The following RANBP2 variants were observed in gnomAD, a reference collection of about 807,000 sequenced individuals.
The protein encoded by RANBP2 is E3 SUMO-protein ligase RanBP2.
In RANBP2, 57 loss-of-function variants were observed where a neutral mutation model predicts 303.6. That is an observed-to-expected ratio of 0.19 (90% confidence interval 0.15 to 0.23). The LOEUF (loss-of-function observed/expected upper bound fraction) is 0.23, where lower values mean the gene tolerates loss of function less well. Ranked by LOEUF, RANBP2 falls within the 10% of genes least tolerant of loss-of-function variation. The pLI is 1.00. For synonymous variants in RANBP2, 1,167 were observed against 1,301.5 expected, an observed-to-expected ratio of 0.90 and a Z score of 2.23; for missense variants, 3,138 against 3,780.8, an observed-to-expected ratio of 0.83 and a Z score of 4.46.
Position 108,782,654 on chromosome 2 carries a change from T to C in RANBP2, c.9161T>C (p.Leu3054Pro). ...AAACTCCAGAAAGGACATGTATCAC[T>C]GGCAGCAGAATTATCAAAGGAGACC... ...LMKLQKGHVS[L>P]AAELSKETNP... The change falls in exon 28 of 29, where the codon CTG becomes CCG. Residue 3054 changes from leucine (L) to proline (P), a missense_variant. Coordinates refer to ENST00000283195, the MANE Select transcript of RANBP2 (RefSeq NM_006267.5). 2 of 1,614,228 alleles carry C rather than the reference T, an allele frequency of 1.2e-6. No homozygotes were observed. Among genetic ancestry groups the C allele is most frequent in the Non-Finnish European group, 1.7e-6 (2 of 1,180,038 alleles).
At chr2:108,968,238 G>T in the RANBP2 span, among the ~76,000 whole-genome samples, 7 of 152,166 alleles carry the variant, frequency 4.6e-5, no homozygotes, top group African/African-American at 1.4e-4. Flanking sequence ...TGTTGGAAAT[G>T]AAGAACCTGG....
At chr2:109,591,441 T>C in the RANBP2 span, among the ~76,000 whole-genome samples, 1 of 152,104 alleles carries the variant, frequency 6.6e-6, no homozygotes, top group Non-Finnish European at 1.5e-5. Context: ...TCACTAAAGA[T>C]TACTAGTGAC....
At chr2:109,691,313 G>C in the RANBP2 span, among the ~76,000 whole-genome samples, 104 of 152,268 alleles carry the variant, frequency 6.8e-4, no homozygotes, top group African/African-American at 2.5e-3. Context: ...TAGTGGTCTC[G>C]GTCTAAACGT....
the RANBP2 span, chr2:109,565,860 C>T: frequency 6.2e-7 from 1 of 1,613,590 alleles, no homozygotes; most frequent in Non-Finnish European, 8.5e-7. Context: ...GCAACTGTCC[C>T]TGAAAAAGAA....
chr2:108,860,799 G>GT, the RANBP2 span, among the ~76,000 whole-genome samples: 2 of 151,914 alleles, frequency 1.3e-5, no homozygotes, highest in Non-Finnish European at 2.9e-5. Context: ...TTTGGCATCA[G>GT]TATGATACTG....
chr2:109,651,616 AG>A, the RANBP2 span, among the ~76,000 whole-genome samples: 1 of 152,222 alleles, frequency 6.6e-6, no homozygotes, highest in African/African-American at 2.4e-5. Context: ...TTTCCCTAAA[AG>A]GAGCAGTCAC....
intron 17 of RANBP2, 68 bp downstream of exon 17, chr2:108,755,327 T>C (rs1299187161): frequency 6.2e-7 from 1 of 1,608,364 alleles, no homozygotes; most frequent in Non-Finnish European, 8.5e-7. Flanking sequence ...CTCTCTCACT[T>C]TTTTTCTGAA....
chr2:109,033,117 C>G, the RANBP2 span, among the ~76,000 whole-genome samples: 54 of 152,344 alleles, frequency 3.5e-4, no homozygotes, highest in African/African-American at 1.3e-3. Context: ...CATGTTTGGT[C>G]ATTACTCAGC....
At chr2:109,671,180 G>T in the RANBP2 span, among the ~76,000 whole-genome samples, 1 of 152,000 alleles carries the variant, frequency 6.6e-6, no homozygotes, top group Non-Finnish European at 1.5e-5. Context: ...CCACCTGCTG[G>T]ATATTGGAGG....
the RANBP2 span, among the ~76,000 whole-genome samples, chr2:109,262,188 TA>T: frequency 2.0e-5 from 3 of 152,162 alleles, no homozygotes; most frequent in Non-Finnish European, 4.4e-5. Flanking sequence ...TGTATTTGTC[TA>T]ACAGTCTTAT....
At chr2:108,890,852 T>C in the RANBP2 span, among the ~76,000 whole-genome samples, 1 of 152,168 alleles carries the variant, frequency 6.6e-6, no homozygotes, top group Admixed American at 6.5e-5. Context: ...GCTTTACTCA[T>C]TCTGTTTTAT....
At chr2:108,822,118 A>AC in the RANBP2 span, among the ~76,000 whole-genome samples, 1 of 152,250 alleles carries the variant, frequency 6.6e-6, no homozygotes, top group South Asian at 2.1e-4. Flanking sequence ...ATGGAAAAAG[A>AC]CAATCCTTGT....
chr2:108,937,126 G>C, the RANBP2 span, among the ~76,000 whole-genome samples: 1 of 152,248 alleles, frequency 6.6e-6, no homozygotes, highest in Non-Finnish European at 1.5e-5. Flanking sequence ...AAACAGAAGT[G>C]ACTGGCAACA....
the RANBP2 span, among the ~76,000 whole-genome samples, chr2:109,403,229 C>T: frequency 1.3e-5 from 2 of 152,222 alleles, no homozygotes; most frequent in Non-Finnish European, 1.5e-5. Flanking sequence ...GCGCACTGTC[C>T]GAGGCTGGCC....
the RANBP2 span, among the ~76,000 whole-genome samples, chr2:108,872,624 G>A: frequency 6.6e-6 from 1 of 152,062 alleles, no homozygotes; most frequent in South Asian, 2.1e-4. Context: ...ATCTTGCGAG[G>A]GCTTCTTGTT....
the RANBP2 span, among the ~76,000 whole-genome samples, chr2:109,092,406 T>C: frequency 8.5e-5 from 13 of 152,174 alleles, no homozygotes; most frequent in Admixed American, 5.2e-4. Flanking sequence ...CAGGTTGATA[T>C]TGGGTGCTGA....
intron 17 of RANBP2, among the ~76,000 whole-genome samples, chr2:108,755,635 C>T (rs1285670093): frequency 3.3e-5 from 5 of 151,924 alleles, no homozygotes; most frequent in Non-Finnish European, 7.4e-5. Context: ...TCAAAGAATC[C>T]TCCTGCTTCA....
chr2:109,504,084 C>T, the RANBP2 span: 2 of 152,234 alleles, frequency 1.3e-5, no homozygotes, highest in Non-Finnish European at 2.9e-5. Context: ...ATTTTAAACT[C>T]GTTCAGGCCC....
chr2:109,080,074 A>G, the RANBP2 span, among the ~76,000 whole-genome samples: 1 of 152,228 alleles, frequency 6.6e-6, no homozygotes, highest in African/African-American at 2.4e-5. Context: ...AATGCAGGAA[A>G]TGTGGAGGCT....
Sources: gnomAD v4.1 joint callset for allele counts (sites outside exome capture counted in the v4.1 genomes callset) on GRCh38, gnomAD v4.1.1 for gene constraint, MANE v1.5 for transcripts, NCBI Gene and HGNC (gene_info 2026-07-23, HGNC 2026-07-21) for gene names.